DAG1: variants seen among roughly 807,000 people sequenced by gnomAD.
DAG1 encodes the protein dystroglycan 1, also known as dystroglycan 1 (dystrophin-associated glycoprotein 1).
DAG1 carries 8 observed loss-of-function variants against 46.1 expected under a neutral mutation model. The observed-to-expected ratio is 0.17, with a 90% CI of 0.10 to 0.31. The LOEUF (loss-of-function observed/expected upper bound fraction) is 0.31. DAG1 is among the 10% of genes least tolerant of loss of function. DAG1 has a pLI of 1.00. For synonymous variants in DAG1, 495 were observed against 481.8 expected, an observed-to-expected ratio of 1.03 and a Z score of -0.36; for missense variants, 1,003 against 1,189.9, an observed-to-expected ratio of 0.84 and a Z score of 2.31.
chr3:49,485,921 A>G (rs1035965163), intron 1 of DAG1, among the ~76,000 whole-genome samples: 7 of 151,690 alleles, frequency 4.6e-5, no homozygotes, highest in Admixed American at 3.3e-4. Context: ...TCAACCTTCC[A>G]AAGTGGTGGG....
chr3:49,482,521 C>G (rs1310091096), intron 1 of DAG1, among the ~76,000 whole-genome samples: 1 of 152,136 alleles, frequency 6.6e-6, no homozygotes, highest in Non-Finnish European at 1.5e-5. Context: ...GCAATGCTGC[C>G]TTGTTATTCT....
At chr3:49,503,185 G>A (rs2050504920) in intron 1 of DAG1, among the ~76,000 whole-genome samples, 1 of 152,164 alleles carries the variant, frequency 6.6e-6, no homozygotes, top group Non-Finnish European at 1.5e-5. Flanking sequence ...CAGGGTGCTA[G>A]GGCAGCTCAC....
intron 1 of DAG1, among the ~76,000 whole-genome samples, chr3:49,474,458 G>A (rs1279838716): frequency 6.6e-6 from 1 of 152,126 alleles, no homozygotes; most frequent in East Asian, 1.9e-4. Flanking sequence ...TGATTCTCCT[G>A]CCTCAGCCTC....
chr3:49,521,135 T>G (rs75694977), intron 2 of DAG1, among the ~76,000 whole-genome samples: 43 of 150,926 alleles, frequency 2.8e-4, no homozygotes, highest in African/African-American at 8.5e-4. Flanking sequence ...TTTCATGGTG[T>G]TTTTTTTTGT....
At chr3:49,471,588 A>G (rs1477314240) in intron 1 of DAG1, among the ~76,000 whole-genome samples, 1 of 152,116 alleles carries the variant, frequency 6.6e-6, no homozygotes, top group African/African-American at 2.4e-5. Context: ...TGTGTCCTGT[A>G]TTTTGGAGAA....
At chr3:49,497,983 T>G (rs1301479779) in intron 1 of DAG1, among the ~76,000 whole-genome samples, 2 of 152,248 alleles carry the variant, frequency 1.3e-5, no homozygotes, top group African/African-American at 4.8e-5. Context: ...GCCCTTTGTT[T>G]ATCTGTGATA....
rs1005882626 is a variant in DAG1 at position 49,512,459 on chromosome 3, T to G, written c.285+1640T>G. ...CAAGCTGGAATGCAATGACACAATC[T>G]CAGCTCACTGCAACCTCCATCTCCC... On this transcript the variant is annotated intron_variant, in intron 2 of 2. Transcript: ENST00000308775. Among the ~76,000 whole-genome samples the G allele has an allele frequency of 1.1e-4, 16 of 151,612 alleles. No homozygotes were observed. In the South Asian group the frequency reaches 1.3e-3, roughly 12 times the overall value.
At chr3:49,496,426 C>T (rs1453539676) in intron 1 of DAG1, among the ~76,000 whole-genome samples, 4 of 146,406 alleles carry the variant, frequency 2.7e-5, no homozygotes, top group Admixed American at 1.4e-4. Flanking sequence ...GGCGCGATCT[C>T]GGCTCACCAC....
chr3:49,484,203 G>C (rs1180027501), intron 1 of DAG1, among the ~76,000 whole-genome samples: 2 of 152,202 alleles, frequency 1.3e-5, no homozygotes, highest in Non-Finnish European at 2.9e-5. Flanking sequence ...AGGGTCAACA[G>C]TATGGTCCTA....
intron 1 of DAG1, among the ~76,000 whole-genome samples, chr3:49,487,810 C>G (rs964784785): frequency 6.6e-6 from 1 of 150,414 alleles, no homozygotes; most frequent in Non-Finnish European, 1.5e-5. Flanking sequence ...AGCGATTCTC[C>G]TGCCTCGGCC....
chr3:49,493,218 A>G (rs2050233443), intron 1 of DAG1, among the ~76,000 whole-genome samples: 2 of 151,014 alleles, frequency 1.3e-5, no homozygotes, highest in South Asian at 4.2e-4. Flanking sequence ...CAATTTTTTC[A>G]TATTTTGTAG....
chr3:49,498,344 T>G (rs934397636), intron 1 of DAG1, among the ~76,000 whole-genome samples: 2 of 152,110 alleles, frequency 1.3e-5, no homozygotes, highest in African/African-American at 4.8e-5. Flanking sequence ...ACCTTTCTCA[T>G]CTGACGCCAA....
Position 49,510,247 on chromosome 3 carries a change from T to C in DAG1, c.-116-172T>C, listed in dbSNP as rs2050725660. On this transcript the variant is annotated intron_variant, in intron 1 of 2. Coordinates refer to ENST00000308775, the MANE Select transcript of DAG1 (RefSeq NM_004393.6). ...TTTATATTTAATGGATCAGCTACAT[T>C]TCCAGTGCTAAGGAGTTGCACGAAA... 7.5e-6 allele frequency: 4 copies of C among 534,892 alleles called. No individual in the cohort carries two copies. The South Asian group carries it at 1.2e-4, about 16-fold the overall frequency. 33.1% of individuals were successfully genotyped at this position (534,892 alleles called of 1,614,324 possible).
intron 2 of DAG1, among the ~76,000 whole-genome samples, chr3:49,528,593 T>C (rs1173852379): frequency 6.6e-6 from 1 of 151,880 alleles, no homozygotes; most frequent in African/African-American, 2.4e-5. Context: ...CCAATAAGTG[T>C]GATTTTTATG....
chr3:49,478,273 C>CAA (rs71278644), intron 1 of DAG1, among the ~76,000 whole-genome samples: 2,689 of 89,772 alleles, frequency 0.03, 115 homozygotes, highest in African/African-American at 0.12. Flanking sequence ...GACTCTGTCT[C>CAA]AAAAAAAAAA....
intron 1 of DAG1, 143 bp downstream of exon 1, chr3:49,470,576 G>A (rs1219873740): frequency 6.6e-6 from 1 of 152,266 alleles, no homozygotes; most frequent in African/African-American, 2.4e-5. Flanking sequence ...CCTTGTGGGT[G>A]AGGAGGCGGT....
chr3:49,488,513 T>C (rs1419014386), intron 1 of DAG1: 1 of 152,186 alleles, frequency 6.6e-6, no homozygotes, highest in Non-Finnish European at 1.5e-5. Context: ...CATTTAGATG[T>C]GCCACACACA....
At chr3:49,510,151 CAA>C in intron 1 of DAG1, 1 of 450,642 alleles carries the variant, frequency 2.2e-6, no homozygotes. Flanking sequence ...AGTTTGCAAT[CAA>C]TATTTTAAAA....
In DAG1 at chr3:49,531,628, CGAG is replaced by C; in HGVS notation, c.1119_1121del (p.Gly374del). 1 of 1,612,942 alleles carries C rather than the reference CGAG, an allele frequency of 6.2e-7. No homozygotes were observed. The highest frequency in any genetic ancestry group is 8.5e-7 in the Non-Finnish European group (1 of 1,179,050). ...GAAACCCACGGTCACCATCCGGACT[CGAG>C]GCGCCATTATTCAAACCCCAACCCT... On this transcript the variant is annotated inframe_deletion, in exon 3 of 3. Transcript: ENST00000308775. The surrounding 1 kb of genome is among the most constrained non-coding windows in gnomAD (Gnocchi z 7.0).
Sources: gnomAD v4.1 joint callset for allele counts (sites outside exome capture counted in the v4.1 genomes callset) on GRCh38, gnomAD v4.1.1 for gene constraint, Gnocchi (gnomAD v3.1) non-coding constraint, MANE v1.5 for transcripts, NCBI Gene and HGNC (gene_info 2026-07-23, HGNC 2026-07-21) for gene names.